Variants in CCDC171 observed in about 807,000 individuals in gnomAD.
The protein encoded by CCDC171 is coiled-coil domain-containing protein 171.
Under a neutral mutation model 168.2 loss-of-function variants are expected in CCDC171, and 177 were observed. The ratio of observed to expected loss-of-function variants is 1.05; its 90% CI spans 0.93 to 1.19. The LOEUF (loss-of-function observed/expected upper bound fraction) is 1.19, where lower values mean the gene tolerates loss of function less well. Among genes scored for constraint, CCDC171 ranks in the 50% most tolerant of loss-of-function variants. CCDC171 has a pLI of 0.00. For missense variants in CCDC171, 1,991 were observed against 1,539.0 expected, an observed-to-expected ratio of 1.29 and a Z score of -4.91; for synonymous variants, 687 against 540.8, an observed-to-expected ratio of 1.27 and a Z score of -3.75.
At chr9:15,853,721 G>A (rs2061233170) in intron 23 of CCDC171, among the ~76,000 whole-genome samples, 1 of 151,554 alleles carries the variant, frequency 6.6e-6, no homozygotes, top group African/African-American at 2.4e-5. Context: ...CATGATATTA[G>A]CTGTGGGTTT....
chr9:15,651,298 AG>A (rs2047500407), intron 7 of CCDC171, among the ~76,000 whole-genome samples: 1 of 152,080 alleles, frequency 6.6e-6, no homozygotes, highest in East Asian at 1.9e-4. Flanking sequence ...TAGTAGAGAC[AG>A]GGTTTTGCCA....
the CCDC171 span, among the ~76,000 whole-genome samples, chr9:16,089,533 C>G: frequency 6.6e-6 from 1 of 151,542 alleles, no homozygotes; most frequent in Non-Finnish European, 1.5e-5. Flanking sequence ...AGTCTATAAT[C>G]TATCTTGTGT....
At chr9:15,726,818 C>G (rs981416849) in intron 14 of CCDC171, among the ~76,000 whole-genome samples, 3 of 152,046 alleles carry the variant, frequency 2.0e-5, no homozygotes, top group African/African-American at 7.2e-5. Flanking sequence ...TCCTGCTGAT[C>G]TATTAAAAAA....
At chr9:15,627,020 C>T (rs1186143635) in intron 7 of CCDC171, among the ~76,000 whole-genome samples, 5 of 152,140 alleles carry the variant, frequency 3.3e-5, no homozygotes, top group Admixed American at 2.0e-4. Context: ...TTTTGGGATT[C>T]AACTTCTTCC....
intron 23 of CCDC171, among the ~76,000 whole-genome samples, chr9:15,865,737 G>A (rs941296031): frequency 2.6e-5 from 4 of 151,820 alleles, no homozygotes; most frequent in African/African-American, 9.7e-5. Flanking sequence ...GCTTCCAATA[G>A]TAGACTGTTT....
the CCDC171 span, among the ~76,000 whole-genome samples, chr9:16,085,625 T>C: frequency 6.6e-6 from 1 of 152,224 alleles, no homozygotes; most frequent in Non-Finnish European, 1.5e-5. Flanking sequence ...GGAAGATTTC[T>C]GGGAAATGTG....
In CCDC171 at chr9:15,802,542, A is replaced by T. The variant is rs529935305; in HGVS notation, c.3267+17848A>T. Among the ~76,000 whole-genome samples, 6 of 152,302 alleles carry T rather than the reference A, an allele frequency of 3.9e-5. No homozygotes were observed. The South Asian group carries it at 1.2e-3, about 32-fold the overall frequency. ...CTGTTCCTGTATTAGTTTGCTAAGGATAATGGTCTCCAGCTCCATCTATGT... is the reference window on the plus strand; with the variant it reads ...CTGTTCCTGTATTAGTTTGCTAAGGTTAATGGTCTCCAGCTCCATCTATGT... On this transcript the variant is annotated intron_variant, in intron 21 of 25. Coordinates refer to ENST00000380701, the MANE Select transcript of CCDC171 (RefSeq NM_173550.4).
intron 7 of CCDC171, among the ~76,000 whole-genome samples, chr9:15,653,888 G>A (rs2047722945): frequency 6.7e-6 from 1 of 150,178 alleles, no homozygotes; most frequent in South Asian, 2.1e-4. Context: ...AAGTGACGGG[G>A]GCCACTGTGC....
intron 3 of CCDC171, among the ~76,000 whole-genome samples, chr9:15,577,031 T>C (rs1415589150): frequency 6.6e-6 from 1 of 152,216 alleles, no homozygotes; most frequent in East Asian, 1.9e-4. Flanking sequence ...TCATAGTTTT[T>C]AGGTTTGTTT....
At chr9:15,834,419 CATTTA>C (rs1312757853) in intron 21 of CCDC171, among the ~76,000 whole-genome samples, 2 of 152,126 alleles carry the variant, frequency 1.3e-5, no homozygotes, top group Non-Finnish European at 2.9e-5. Flanking sequence ...TTATAGAAAA[CATTTA>C]ATTAACATAC....
chr9:15,661,432 A>G (rs1263204694), intron 8 of CCDC171, among the ~76,000 whole-genome samples: 2 of 152,190 alleles, frequency 1.3e-5, no homozygotes, highest in African/African-American at 2.4e-5. Flanking sequence ...ATTACTATAA[A>G]TAAGAAAATT....
chr9:15,611,476 G>C (rs180980075), intron 6 of CCDC171, among the ~76,000 whole-genome samples: 1 of 152,084 alleles, frequency 6.6e-6, no homozygotes, highest in East Asian at 1.9e-4. Flanking sequence ...CTTTTTTCTT[G>C]GCCTGGTAGT....
intron 25 of CCDC171, among the ~76,000 whole-genome samples, chr9:15,957,959 T>C (rs1235023162): frequency 6.6e-6 from 1 of 152,100 alleles, no homozygotes; most frequent in African/African-American, 2.4e-5. Flanking sequence ...CTTGAGACAC[T>C]TCGAAAGGAG....
rs191468215 is a variant in CCDC171 at position 15,682,868 on chromosome 9, A to G, written c.1215+3972A>G. Among the ~76,000 whole-genome samples, 408 of 152,176 alleles carry G rather than the reference A, an allele frequency of 2.7e-3. 2 individuals are homozygous for G. The highest frequency in any genetic ancestry group is 0.017 in the Middle Eastern group (5 of 294). Reference sequence around the variant, plus strand: ...GAATTTAATAATGATTTAATCAACTACTAAATAAAACTGAATTTCTAGTTT... The same window carrying G: ...GAATTTAATAATGATTTAATCAACTGCTAAATAAAACTGAATTTCTAGTTT... On this transcript the variant is annotated intron_variant, in intron 10 of 25. Transcript: ENST00000380701.
chr9:15,830,917 C>T (rs1464209328), intron 21 of CCDC171, among the ~76,000 whole-genome samples: 2 of 150,488 alleles, frequency 1.3e-5, no homozygotes, highest in Non-Finnish European at 3.0e-5. Context: ...TTCCTTTTGG[C>T]TGTTCAGCAA....
At chr9:15,770,648 C>T (rs1158496281) in intron 18 of CCDC171, among the ~76,000 whole-genome samples, 1 of 152,028 alleles carries the variant, frequency 6.6e-6, no homozygotes, top group East Asian at 1.9e-4. Flanking sequence ...GTTACATGTC[C>T]CCTCTCTCCA....
chr9:15,741,675 C>A (rs1157374037), intron 16 of CCDC171, among the ~76,000 whole-genome samples: 2 of 151,958 alleles, frequency 1.3e-5, no homozygotes, highest in South Asian at 4.1e-4. Flanking sequence ...GTCATTGGAT[C>A]TTTTGCTATT....
At chr9:15,784,867 C>T (rs1539173) in intron 21 of CCDC171, among the ~76,000 whole-genome samples, 173 bp downstream of exon 21, 70,847 of 151,900 alleles carry the variant, frequency 0.47, 16,691 homozygotes, top group South Asian at 0.54. Context: ...CATTCACATG[C>T]ATCGAGAAGG....
At chr9:15,779,398 T>A (rs955778176) in intron 20 of CCDC171, among the ~76,000 whole-genome samples, 3 of 152,006 alleles carry the variant, frequency 2.0e-5, no homozygotes, top group African/African-American at 7.2e-5. Flanking sequence ...CTCACTCTGT[T>A]GCCCAGGCTG....
Sources: gnomAD v4.1 joint callset for allele counts (sites outside exome capture counted in the v4.1 genomes callset) on GRCh38, gnomAD v4.1.1 for gene constraint, MANE v1.5 for transcripts, NCBI Gene and HGNC (gene_info 2026-07-23, HGNC 2026-07-21) for gene names.